Variants in KCNMA1 observed in about 807,000 individuals in gnomAD.
The protein encoded by KCNMA1 is Calcium-activated potassium channel subunit alpha-1.
Under a neutral mutation model 140.0 loss-of-function variants are expected in KCNMA1, and 29 were observed. That is an observed-to-expected ratio of 0.21 (90% CI 0.15 to 0.28). The LOEUF is 0.28. Ranked by LOEUF, KCNMA1 falls within the 10% of genes least tolerant of loss-of-function variation. The pLI, the probability that KCNMA1 is intolerant of heterozygous loss-of-function variation, is 1.00. For synonymous variants in KCNMA1, 612 were observed against 611.9 expected (o/e 1.00, Z 0.00); for missense variants, 880 against 1,602.2 (o/e 0.55, Z 7.70).
intron 3 of KCNMA1, among the ~76,000 whole-genome samples, chr10:77,198,417 A>T (rs2041337826): frequency 6.6e-6 from 1 of 152,034 alleles, no homozygotes; most frequent in African/African-American, 2.4e-5. Flanking sequence ...TCTCAAGTGA[A>T]GCCATCTTTT....
rs183063064 is a variant in KCNMA1, at chr10:77,341,334, C to A, written c.540+62528G>T. The stretch of plus-strand genomic sequence containing the variant: ...TTCTGGGTCTAAGTCCTTCTATGAG[C>A]TTGTCTGTCTCATTTCCCAATTATT... On this transcript the variant is annotated intron_variant, in intron 2 of 27. Coordinates refer to ENST00000286628, the MANE Select transcript of KCNMA1 (RefSeq NM_001161352.2). Among the ~76,000 whole-genome samples, 7 of 152,300 alleles carry A rather than the reference C, an allele frequency of 4.6e-5. No individual in the cohort carries two copies. In the East Asian group the frequency reaches 7.7e-4, roughly 17 times the overall value.
intron 23 of KCNMA1, among the ~76,000 whole-genome samples, chr10:76,918,820 C>T (rs2054066111): frequency 6.6e-6 from 1 of 151,820 alleles, no homozygotes; most frequent in African/African-American, 2.4e-5. Context: ...TTCACAATTG[C>T]AAAACCATGG....
At chr10:76,937,885 G>A (rs1032563382) in intron 23 of KCNMA1, among the ~76,000 whole-genome samples, 1 of 151,922 alleles carries the variant, frequency 6.6e-6, no homozygotes, top group African/African-American at 2.4e-5. Context: ...CAAAGAGGGC[G>A]GGAGGAAAGC....
chr10:77,636,287 A>T (rs1336689487), intron 1 of KCNMA1: 1 of 1,466,352 alleles, frequency 6.8e-7, no homozygotes, highest in East Asian at 2.5e-5. Context: ...AAGGGAAGAC[A>T]TCTCTAGGGA....
At chr10:77,283,948 T>C (rs1448578864) in intron 2 of KCNMA1, among the ~76,000 whole-genome samples, 1 of 152,076 alleles carries the variant, frequency 6.6e-6, no homozygotes, top group African/African-American at 2.4e-5. Flanking sequence ...ATCTGAAGAA[T>C]GAGTAGGTGC....
At chr10:77,408,482 G>T (rs1306408552) in intron 1 of KCNMA1, among the ~76,000 whole-genome samples, 1 of 151,914 alleles carries the variant, frequency 6.6e-6, no homozygotes, top group African/African-American at 2.4e-5. Context: ...GTGTGAGTGT[G>T]TACGTGTGTG....
At chr10:77,167,941 C>G (rs535789014) in intron 5 of KCNMA1, among the ~76,000 whole-genome samples, 41 of 152,214 alleles carry the variant, frequency 2.7e-4, no homozygotes, top group African/African-American at 8.4e-4. Context: ...CCTCAGCTTC[C>G]CAAATTGCTG....
At chr10:77,141,916 CATCT>C (rs1324906875) in intron 5 of KCNMA1, among the ~76,000 whole-genome samples, 2 of 152,194 alleles carry the variant, frequency 1.3e-5, no homozygotes, top group Non-Finnish European at 2.9e-5. Flanking sequence ...ACGTATTGAG[CATCT>C]ATTATGTGCC....
intron 14 of KCNMA1, among the ~76,000 whole-genome samples, chr10:77,050,794 G>A (rs909963066): frequency 8.5e-5 from 13 of 152,166 alleles, no homozygotes; most frequent in African/African-American, 2.2e-4. Flanking sequence ...CAGAAGAATC[G>A]ATTACAGCCT....
chr10:77,136,507 T>C (rs565335365), intron 5 of KCNMA1, among the ~76,000 whole-genome samples: 37 of 151,896 alleles, frequency 2.4e-4, no homozygotes, highest in Non-Finnish European at 4.9e-4. Context: ...ATTACTGAAC[T>C]GTACACTAAA....
chr10:77,156,811 A>G (rs1290879113), intron 5 of KCNMA1, among the ~76,000 whole-genome samples: 2 of 152,180 alleles, frequency 1.3e-5, no homozygotes, highest in Admixed American at 6.5e-5. Context: ...CCCAAGACTC[A>G]TGACTCAGCC....
chr10:77,099,056 G>A (rs376021419), intron 9 of KCNMA1, among the ~76,000 whole-genome samples: 16 of 152,010 alleles, frequency 1.1e-4, no homozygotes, highest in Non-Finnish European at 1.9e-4. Context: ...AGATTTGCCC[G>A]ATTTCATTTT....
downstream of KCNMA1, among the ~76,000 whole-genome samples, chr10:76,880,042 G>A (rs1174907984): frequency 6.6e-6 from 1 of 152,148 alleles, no homozygotes; most frequent in Admixed American, 6.5e-5. Context: ...TTAGTGCTAG[G>A]TTGGACATGC....
intron 2 of KCNMA1, among the ~76,000 whole-genome samples, chr10:77,403,354 G>A (rs866658272): frequency 2.8e-4 from 42 of 152,038 alleles, no homozygotes; most frequent in African/African-American, 8.9e-4. Context: ...CAGCATGACT[G>A]ATTTCTACCG....
intron 5 of KCNMA1, among the ~76,000 whole-genome samples, chr10:77,126,717 A>ACCCCCCCCC (rs1249928637): frequency 4.4e-5 from 3 of 68,418 alleles, no homozygotes; most frequent in African/African-American, 1.1e-4. Flanking sequence ...GGTGCCCCCC[A>ACCCCCCCCC]CCCCCCCACC....
At chr10:76,995,658 T>A in intron 19 of KCNMA1, 2 of 470,970 alleles carry the variant, frequency 4.2e-6, no homozygotes, top group Non-Finnish European at 8.8e-6. Context: ...GAGGAAGCAT[T>A]CACTGCCTGG....
At chr10:77,442,943 G>T (rs1603620626) in intron 1 of KCNMA1, among the ~76,000 whole-genome samples, 1 of 152,164 alleles carries the variant, frequency 6.6e-6, no homozygotes, top group South Asian at 2.1e-4. Flanking sequence ...CCTCCTACCT[G>T]GCTCAGGGTC....
intron 1 of KCNMA1, among the ~76,000 whole-genome samples, chr10:77,494,491 GAGTC>G (rs1485073855): frequency 1.3e-5 from 2 of 152,210 alleles, no homozygotes; most frequent in Non-Finnish European, 2.9e-5. Flanking sequence ...AGAGTCCCCA[GAGTC>G]AGTCAATGTC....
At chr10:77,426,584 G>A (rs1463669521) in intron 1 of KCNMA1, among the ~76,000 whole-genome samples, 5 of 152,220 alleles carry the variant, frequency 3.3e-5, no homozygotes, top group Non-Finnish European at 2.9e-5. Flanking sequence ...TATTATTCTT[G>A]TAGATGTTGA....
Sources: gnomAD v4.1 joint callset for allele counts (sites outside exome capture counted in the v4.1 genomes callset) on GRCh38, gnomAD v4.1.1 for gene constraint, MANE v1.5 for transcripts, NCBI Gene and HGNC (gene_info 2026-07-23, HGNC 2026-07-21) for gene names.